SLC43A2: variants seen among roughly 807,000 people sequenced by gnomAD.
SLC43A2 encodes solute carrier family 43 member 2, also known as large neutral amino acids transporter small subunit 4.
A neutral mutation model predicts 63.2 loss-of-function variants in SLC43A2; 38 were observed. The ratio of observed to expected loss-of-function variants is 0.60; its 90% CI spans 0.46 to 0.79. The LOEUF is 0.79. Among genes scored for constraint, SLC43A2 ranks in the 30% least tolerant of loss-of-function variants. The pLI is 0.00. For synonymous variants in SLC43A2, 322 were observed against 331.0 expected, an observed-to-expected ratio of 0.97 and a Z score of 0.30; for missense variants, 644 against 756.2, an observed-to-expected ratio of 0.85 and a Z score of 1.74.
intron 9 of SLC43A2, among the ~76,000 whole-genome samples, chr17:1,588,794 G>A (rs1018978589): frequency 9.2e-5 from 14 of 152,286 alleles, no homozygotes; most frequent in Middle Eastern, 3.4e-3. Context: ...GTTTGATGGC[G>A]GGTCTCAAAC....
chr17:1,586,038 G>C lies in SLC43A2; in HGVS notation c.1092C>G (p.Thr364=). Residue 364 remains threonine (T), a synonymous_variant, in exon 10 of 14, where the codon ACC becomes ACG. Transcript: ENST00000301335. ...SGDQKTVGLY[T]SIFGVLQLLC... is the part of the protein sequence containing the mutation. ...GCAGCTGGAGCACGCCGAAGATGGA[G>C]GTGTAGAGGCCAACTGTGGAGGAAG... 2.5e-6 allele frequency: 4 copies of C among 1,599,298 alleles called. No individual in the cohort carries two copies. Among genetic ancestry groups the C allele is most frequent in the Non-Finnish European group, 3.4e-6 (4 of 1,173,242 alleles).
chr17:1,600,152 A>ATATATATATTTTT (rs1216616243), intron 5 of SLC43A2, among the ~76,000 whole-genome samples: 2 of 60,280 alleles, frequency 3.3e-5, no homozygotes, highest in African/African-American at 5.4e-5. Flanking sequence ...ATATATATAT[A>ATATATATATTTTT]TTTTTTTTTT....
intron 9 of SLC43A2, among the ~76,000 whole-genome samples, chr17:1,587,843 G>C (rs1904360095): frequency 6.6e-6 from 1 of 152,262 alleles, no homozygotes; most frequent in African/African-American, 2.4e-5. Flanking sequence ...GGTGGCCCCT[G>C]ACTAGGGGGT....
chr17:1,584,180 A>G lies in SLC43A2; in HGVS notation c.1218-844T>C, dbSNP rs532132806. On this transcript the variant is annotated intron_variant, in intron 10 of 13. Coordinates refer to ENST00000301335, the MANE Select transcript of SLC43A2 (RefSeq NM_152346.3). ...AGTGCTGGGATTACAGGTGTGAGCCACCGCGCCCGGCCAAGCACCCTCTGC... is the reference window on the plus strand; with the variant it reads ...AGTGCTGGGATTACAGGTGTGAGCCGCCGCGCCCGGCCAAGCACCCTCTGC... Among the ~76,000 whole-genome samples the G allele has an allele frequency of 2.0e-5, 3 of 152,204 alleles. No homozygotes were observed. In the East Asian group the frequency reaches 5.8e-4, roughly 30 times the overall value.
rs1330015093 is a variant in SLC43A2, at chr17:1,583,181, C to T, written c.1350+23G>A. The T allele has an allele frequency of 1.9e-6, 3 of 1,609,944 alleles. No individual in the cohort carries two copies. Among genetic ancestry groups the T allele is most frequent in the Admixed American group, 1.7e-5 (1 of 59,894 alleles). ...TTCTGACTGCCCCACCTCCCACCTG[C>T]CCCTCCCACTCCCCACACCCACCTG... On this transcript the variant is annotated intron_variant, in intron 11 of 13. Coordinates refer to ENST00000301335, the MANE Select transcript of SLC43A2 (RefSeq NM_152346.3). The surrounding 1 kb of genome is among the most constrained non-coding windows in gnomAD (Gnocchi z 5.5).
In SLC43A2 at chr17:1,593,358, C is replaced by G; in HGVS notation, c.502-79G>C. On this transcript the variant is annotated intron_variant, in intron 5 of 13. Coordinates refer to ENST00000301335, the MANE Select transcript of SLC43A2 (RefSeq NM_152346.3). This position sits in a 1 kb window ranked among gnomAD's most constrained non-coding sequence, Gnocchi z 5.3. ...GAGGAGGAGGGGACAGAGAACTAGG[C>G]CCCATGAGGCCCCTTCTTCACCTGC... 2 of 1,252,504 alleles carry G rather than the reference C, an allele frequency of 1.6e-6. No individual in the cohort carries two copies. The highest frequency in any genetic ancestry group is 2.3e-6 in the Non-Finnish European group (2 of 870,520). 77.6% of individuals were successfully genotyped at this position (1,252,504 alleles called of 1,614,324 possible). A position where few individuals can be genotyped will look rare whatever the true frequency, so the allele number is the denominator to read the frequency against.
At chr17:1,600,936 AC>A (rs1434067663) in intron 5 of SLC43A2, among the ~76,000 whole-genome samples, 2 of 151,202 alleles carry the variant, frequency 1.3e-5, no homozygotes, top group Admixed American at 1.3e-4. Context: ...CTAACATTTT[AC>A]CCTTGAGATT....
Position 1,575,234 on chromosome 17 carries a change from G to A in SLC43A2, c.*370C>T. The A allele has an allele frequency of 2.8e-6, 1 of 351,110 alleles. No homozygotes were observed. Among genetic ancestry groups the A allele is most frequent in the Non-Finnish European group, 5.3e-6 (1 of 187,220 alleles). 21.7% of individuals were successfully genotyped at this position (351,110 alleles called of 1,614,324 possible). ...TGGGCATGCAGCCGAGGGGCAGGTGGCAGGCAGGGGATGGCAGCCCCCTCT... is the reference window on the plus strand; with the variant it reads ...TGGGCATGCAGCCGAGGGGCAGGTGACAGGCAGGGGATGGCAGCCCCCTCT... On this transcript the variant is annotated 3_prime_UTR_variant, in exon 14 of 14. Coordinates refer to ENST00000301335, the MANE Select transcript of SLC43A2 (RefSeq NM_152346.3).
In SLC43A2 at chr17:1,575,213, C is replaced by T. The variant is rs1308946697; in HGVS notation, c.*391G>A. 6.1e-6 allele frequency: 2 copies of T among 328,380 alleles called. No individual in the cohort carries two copies. Among genetic ancestry groups the T allele is most frequent in the South Asian group, 2.7e-5 (1 of 37,726 alleles). The allele number at this position is 328,380 out of a possible 1,614,324, so 20.3% of individuals were successfully genotyped here. ...GTCCTCAGGCAGGTACGGCTGTGGGCATGCAGCCGAGGGGCAGGTGGCAGG... is the reference window on the plus strand; with the variant it reads ...GTCCTCAGGCAGGTACGGCTGTGGGTATGCAGCCGAGGGGCAGGTGGCAGG... On this transcript the variant is annotated 3_prime_UTR_variant, in exon 14 of 14. Transcript: ENST00000301335.
rs2075830840 is a variant in SLC43A2, at chr17:1,570,493, T to TC, written c.*5110_*5111insG. 1 of 151,136 alleles carries TC rather than the reference T, an allele frequency of 6.6e-6. No homozygotes were observed. Among genetic ancestry groups the TC allele is most frequent in the African/African-American group, 2.4e-5 (1 of 40,980 alleles). The allele number at this position is 151,136 out of a possible 1,614,324, so 9.4% of individuals were successfully genotyped here. A position where few individuals can be genotyped will look rare whatever the true frequency, so the allele number is the denominator to read the frequency against. ...TGAAAACGATGCTACCATTGTTTTT[T>TC]TTTTTTTTTTTGAGACGGAGTCTCG... On this transcript the variant is annotated 3_prime_UTR_variant, in exon 14 of 14. Transcript: ENST00000301335.
intron 2 of SLC43A2, among the ~76,000 whole-genome samples, 177 bp downstream of exon 2, chr17:1,627,538 A>G (rs1908765806): frequency 6.6e-6 from 1 of 152,152 alleles, no homozygotes; most frequent in South Asian, 2.1e-4. Flanking sequence ...CTTCGTCCAC[A>G]AAACAGGGGC....
chr17:1,596,899 C>T (rs1905329030), intron 5 of SLC43A2, among the ~76,000 whole-genome samples: 1 of 152,224 alleles, frequency 6.6e-6, no homozygotes, highest in African/African-American at 2.4e-5. Flanking sequence ...TGAGATACCA[C>T]TTGATACCCA....
intron 2 of SLC43A2, among the ~76,000 whole-genome samples, chr17:1,624,531 C>T (rs1173359691): frequency 7.9e-5 from 12 of 151,850 alleles, no homozygotes; most frequent in African/African-American, 2.2e-4. Context: ...GGTAAAACCA[C>T]ATCTCTACTA....
intron 5 of SLC43A2, among the ~76,000 whole-genome samples, chr17:1,595,025 G>GT (rs1905175491): frequency 6.6e-6 from 1 of 151,752 alleles, no homozygotes; most frequent in African/African-American, 2.4e-5. Flanking sequence ...TCTTTTTAAA[G>GT]TTAAAAAAAA....
upstream of SLC43A2, among the ~76,000 whole-genome samples, chr17:1,629,733 C>T (rs1334750265): frequency 6.6e-6 from 1 of 152,234 alleles, no homozygotes; most frequent in Non-Finnish European, 1.5e-5. Context: ...GGAAGGTCCC[C>T]TCTGCAGGGC....
chr17:1,620,317 G>A (rs1310561235), intron 2 of SLC43A2, among the ~76,000 whole-genome samples: 9 of 152,136 alleles, frequency 5.9e-5, no homozygotes, highest in Admixed American at 2.0e-4. Flanking sequence ...GCAGTGAGCC[G>A]AGATTGTGCC....
chr17:1,591,818 CAA>C (rs1460173860), intron 6 of SLC43A2, 119 bp from the exon 7 acceptor site: 3 of 755,750 alleles, frequency 4.0e-6, no homozygotes, highest in Non-Finnish European at 6.5e-6. Context: ...CTGAGCCGCG[CAA>C]AGAGGCACAG....
chr17:1,629,246 G>A (rs1908975303), upstream of SLC43A2, among the ~76,000 whole-genome samples: 1 of 151,944 alleles, frequency 6.6e-6, no homozygotes, highest in African/African-American at 2.4e-5. Flanking sequence ...GCCGTCCCCA[G>A]CTGCCCCCTG....
chr17:1,602,206 T>G (rs563633361), intron 5 of SLC43A2, among the ~76,000 whole-genome samples: 1 of 152,284 alleles, frequency 6.6e-6, no homozygotes, highest in African/African-American at 2.4e-5. Context: ...AGGGTCTCAC[T>G]CTATTGCCCA....
Sources: gnomAD v4.1 joint callset for allele counts (sites outside exome capture counted in the v4.1 genomes callset) on GRCh38, gnomAD v4.1.1 for gene constraint, Gnocchi (gnomAD v3.1) non-coding constraint, MANE v1.5 for transcripts, NCBI Gene and HGNC (gene_info 2026-07-23, HGNC 2026-07-21) for gene names.